UVRAG: variants seen among roughly 807,000 people sequenced by gnomAD.
UVRAG encodes the protein UV radiation resistance associated.
UVRAG carries 19 observed loss-of-function variants against 78.0 expected under a neutral mutation model. The ratio of observed to expected loss-of-function variants is 0.24; its 90% confidence interval spans 0.17 to 0.36. The LOEUF is 0.36. Ranked by LOEUF, UVRAG falls within the 10% of genes least tolerant of loss-of-function variation. The pLI, the probability that UVRAG is intolerant of heterozygous loss-of-function variation, is 1.00. For synonymous variants in UVRAG, 323 were observed against 324.6 expected (o/e 1.00, Z 0.05); for missense variants, 740 against 853.8 (o/e 0.87, Z 1.66).
At chr11:76,039,266 A>T (rs1950596744) in intron 12 of UVRAG, among the ~76,000 whole-genome samples, 1 of 152,224 alleles carries the variant, frequency 6.6e-6, no homozygotes, top group African/African-American at 2.4e-5. Context: ...AATGTTGGCC[A>T]ATAATAGTAG....
intron 8 of UVRAG, among the ~76,000 whole-genome samples, chr11:75,995,052 G>T (rs1949679098): frequency 6.6e-6 from 1 of 152,010 alleles, no homozygotes; most frequent in East Asian, 1.9e-4. Flanking sequence ...TTAAGATTTT[G>T]GTTATCTCAG....
intron 5 of UVRAG, among the ~76,000 whole-genome samples, chr11:75,905,958 C>T (rs1947605972): frequency 6.6e-6 from 1 of 152,090 alleles, no homozygotes; most frequent in South Asian, 2.1e-4. Flanking sequence ...TCTCCACATC[C>T]TCACTATCTT....
At chr11:75,924,968 T>C (rs1203265518) in intron 6 of UVRAG, among the ~76,000 whole-genome samples, 2 of 152,172 alleles carry the variant, frequency 1.3e-5, no homozygotes, top group African/African-American at 4.8e-5. Context: ...AAGAATAAAA[T>C]CAGCGTAAAG....
At chr11:76,124,813 T>C (rs1407592178) in intron 14 of UVRAG, among the ~76,000 whole-genome samples, 1 of 152,182 alleles carries the variant, frequency 6.6e-6, no homozygotes, top group Non-Finnish European at 1.5e-5. Context: ...TAAATAAAAG[T>C]ATTAGAAGAA....
At chr11:76,037,854 A>G (rs929067029) in intron 12 of UVRAG, among the ~76,000 whole-genome samples, 1 of 152,232 alleles carries the variant, frequency 6.6e-6, no homozygotes, top group Non-Finnish European at 1.5e-5. Context: ...ACATGTCCGT[A>G]TAAATGTCTT....
chr11:75,911,656 C>T lies in UVRAG; in HGVS notation c.508-298C>T, dbSNP rs537499847. On this transcript the variant is annotated intron_variant, in intron 5 of 14. Coordinates refer to ENST00000356136, the MANE Select transcript of UVRAG (RefSeq NM_003369.4). ...CTGTTGTCTTCCTCCATGGCTGGGG[C>T]GGCACCTGCTGGGCTGGCACTGTGG... is the stretch of plus-strand genomic sequence containing the variant. The T allele has an allele frequency of 2.2e-3, 504 of 234,334 alleles. 1 individual carries two copies. Among genetic ancestry groups the T allele is most frequent in the Non-Finnish European group, 3.3e-3 (403 of 121,262 alleles). 14.5% of individuals were successfully genotyped at this position (234,334 alleles called of 1,614,324 possible).
At chr11:75,941,508 G>A (rs751848455) in intron 6 of UVRAG, among the ~76,000 whole-genome samples, 11 of 151,992 alleles carry the variant, frequency 7.2e-5, no homozygotes, top group Non-Finnish European at 1.3e-4. Flanking sequence ...ATACTTACTG[G>A]TTGAGCGTCT....
At chr11:76,118,132 G>A (rs1952217952) in intron 14 of UVRAG, among the ~76,000 whole-genome samples, 1 of 152,124 alleles carries the variant, frequency 6.6e-6, no homozygotes, top group Non-Finnish European at 1.5e-5. Flanking sequence ...CTTCATAAAA[G>A]TCTATGCATC....
chr11:76,096,409 G>A (rs539853502), intron 13 of UVRAG, among the ~76,000 whole-genome samples: 10 of 152,250 alleles, frequency 6.6e-5, no homozygotes, highest in Admixed American at 5.9e-4. Flanking sequence ...AGGACTGTCA[G>A]GGAGAAGGAA....
chr11:76,036,221 A>T (rs561857920), intron 12 of UVRAG, among the ~76,000 whole-genome samples: 1 of 152,332 alleles, frequency 6.6e-6, no homozygotes, highest in African/African-American at 2.4e-5. Context: ...AGTAGTGTTT[A>T]TCCTCTCAAC....
intron 13 of UVRAG, among the ~76,000 whole-genome samples, chr11:76,096,919 CTG>C: frequency 6.6e-6 from 1 of 152,290 alleles, no homozygotes; most frequent in Middle Eastern, 3.4e-3. Context: ...CTCGCCCAAA[CTG>C]AGGCCTCCAG....
intron 8 of UVRAG, among the ~76,000 whole-genome samples, chr11:75,986,999 C>T (rs1949512655): frequency 6.6e-6 from 1 of 152,182 alleles, no homozygotes; most frequent in African/African-American, 2.4e-5. Flanking sequence ...TAAAAATCCA[C>T]TCATCAGTTG....
chr11:76,124,604 G>T (rs1252911182), intron 14 of UVRAG, among the ~76,000 whole-genome samples: 1 of 152,222 alleles, frequency 6.6e-6, no homozygotes, highest in East Asian at 1.9e-4. Flanking sequence ...ATCCTTGGCT[G>T]TTCAACAGCA....
chr11:75,990,567 A>G (rs1214431018), intron 8 of UVRAG, among the ~76,000 whole-genome samples: 1 of 152,192 alleles, frequency 6.6e-6, no homozygotes, highest in African/African-American at 2.4e-5. Flanking sequence ...AAGGCCTCCA[A>G]TGGCTCACCT....
intron 6 of UVRAG, among the ~76,000 whole-genome samples, chr11:75,932,672 G>T (rs1948268675): frequency 6.6e-6 from 1 of 152,002 alleles, no homozygotes; most frequent in South Asian, 2.1e-4. Context: ...AAAGTTGCAG[G>T]ATACAAAATA....
At chr11:75,848,496 C>G (rs1321424129) in intron 1 of UVRAG, among the ~76,000 whole-genome samples, 1 of 152,180 alleles carries the variant, frequency 6.6e-6, no homozygotes, top group African/African-American at 2.4e-5. Context: ...AGTTTAGAAT[C>G]AGAAGGTATC....
intron 13 of UVRAG, among the ~76,000 whole-genome samples, chr11:76,106,221 G>A (rs1033041825): frequency 6.6e-6 from 1 of 152,116 alleles, no homozygotes; most frequent in Non-Finnish European, 1.5e-5. Context: ...GTGAAAAAAG[G>A]CAGACACAAC....
At chr11:76,012,553 G>A (rs1398713525) in intron 11 of UVRAG, among the ~76,000 whole-genome samples, 2 of 152,090 alleles carry the variant, frequency 1.3e-5, no homozygotes, top group African/African-American at 4.8e-5. Context: ...CTCTAGTGAA[G>A]GAACTCCAAG....
intron 3 of UVRAG, among the ~76,000 whole-genome samples, chr11:75,877,873 C>A (rs1281597841): frequency 1.4e-5 from 2 of 147,256 alleles, no homozygotes; most frequent in African/African-American, 2.5e-5. Context: ...CTGACCCCCC[C>A]ACCTCCCTCC....
Sources: allele counts gnomAD v4.1 joint callset (sites outside exome capture counted in the v4.1 genomes callset), GRCh38; gene constraint gnomAD v4.1.1; transcripts MANE v1.5; gene names NCBI Gene and HGNC (gene_info 2026-07-23, HGNC 2026-07-21).